VGLL3: variants seen among roughly 807,000 people sequenced by gnomAD.
VGLL3 encodes transcription cofactor vestigial-like protein 3.
VGLL3 carries 18 observed loss-of-function variants against 29.2 expected under a neutral mutation model. The ratio of observed to expected loss-of-function variants is 0.62; its 90% CI spans 0.43 to 0.91. The LOEUF is 0.91. Among genes scored for constraint, VGLL3 ranks in the 40% least tolerant of loss-of-function variants. The pLI, the probability that VGLL3 is intolerant of heterozygous loss-of-function variation, is 0.00. For missense variants in VGLL3, 440 were observed against 413.2 expected (o/e 1.06, Z -0.56); for synonymous variants, 180 against 151.8 (o/e 1.19, Z -1.36).
intron 2 of VGLL3, among the ~76,000 whole-genome samples, chr3:86,969,417 T>C (rs1705042702): frequency 6.6e-6 from 1 of 152,216 alleles, no homozygotes. Context: ...TTGAAAAATT[T>C]CATTTCCTTC....
chr3:86,949,304 G>T (rs575067020), intron 3 of VGLL3, among the ~76,000 whole-genome samples: 3 of 152,126 alleles, frequency 2.0e-5, no homozygotes, highest in Non-Finnish European at 2.9e-5. Flanking sequence ...TTGTTTCCAT[G>T]TCTCTGCATT....
chr3:86,959,373 T>G (rs1014005005), intron 3 of VGLL3, among the ~76,000 whole-genome samples: 1 of 152,194 alleles, frequency 6.6e-6, no homozygotes, highest in Non-Finnish European at 1.5e-5. Flanking sequence ...AAGGCTTCAA[T>G]GAATCCCTAA....
chr3:86,958,633 G>A (rs1704775637), intron 3 of VGLL3, among the ~76,000 whole-genome samples: 1 of 152,138 alleles, frequency 6.6e-6, no homozygotes, highest in African/African-American at 2.4e-5. Flanking sequence ...TTTCATTAAG[G>A]TCCTGCAGCA....
chr3:86,968,318 A>G (rs34400464), intron 3 of VGLL3, among the ~76,000 whole-genome samples: 5,212 of 152,290 alleles, frequency 0.034, 138 homozygotes, highest in African/African-American at 0.069. Context: ...TTCTTTTTAA[A>G]CAGAAGGTAC....
intron 3 of VGLL3, among the ~76,000 whole-genome samples, chr3:86,952,278 A>C (rs533473973): frequency 6.6e-6 from 1 of 152,296 alleles, no homozygotes; most frequent in East Asian, 1.9e-4. Flanking sequence ...AGAAATAATA[A>C]ATAAACATTG....
Position 86,946,285 on chromosome 3 carries a change from A to G in VGLL3, c.*739T>C, listed in dbSNP as rs1056087726. On this transcript the variant is annotated 3_prime_UTR_variant, in exon 4 of 4. Coordinates refer to ENST00000398399, the MANE Select transcript of VGLL3 (RefSeq NM_016206.4). ...TATCATTTCTTTAGCACAGTCATTA[A>G]AAAAAAACTTTTCAAGCTATACATA... The G allele has an allele frequency of 5.4e-5, 8 of 148,868 alleles. No individual in the cohort carries two copies. Among genetic ancestry groups the G allele is most frequent in the African/African-American group, 2.1e-4 (8 of 38,428 alleles). 9.2% of individuals were successfully genotyped at this position (148,868 alleles called of 1,614,324 possible).
At chr3:86,979,442 G>T (rs998540642) in intron 1 of VGLL3, among the ~76,000 whole-genome samples, 1 of 151,898 alleles carries the variant, frequency 6.6e-6, no homozygotes, top group Non-Finnish European at 1.5e-5. Flanking sequence ...TTATCATGAG[G>T]GGAAAAGATT....
intron 2 of VGLL3, among the ~76,000 whole-genome samples, chr3:86,973,444 G>T (rs900654573): frequency 9.9e-5 from 15 of 152,186 alleles, no homozygotes; most frequent in African/African-American, 2.2e-4. Flanking sequence ...TAAATGGCTG[G>T]GTCAGAAGTG....
At chr3:86,977,976 A>C (rs1705244247) in intron 2 of VGLL3, among the ~76,000 whole-genome samples, 1 of 152,224 alleles carries the variant, frequency 6.6e-6, no homozygotes, top group African/African-American at 2.4e-5. Context: ...TTCTTTATCA[A>C]GGTAAAAACA....
At chr3:86,953,705 C>T (rs1434714951) in intron 3 of VGLL3, among the ~76,000 whole-genome samples, 2 of 151,920 alleles carry the variant, frequency 1.3e-5, no homozygotes, top group South Asian at 2.1e-4. Context: ...GCATTTATTC[C>T]TCTGTGTTTT....
chr3:86,983,433 C>A (rs1486474008), intron 1 of VGLL3, among the ~76,000 whole-genome samples: 2 of 152,136 alleles, frequency 1.3e-5, no homozygotes, highest in African/African-American at 4.8e-5. Flanking sequence ...CACTCATTGC[C>A]CAGGCTGGAG....
intron 1 of VGLL3, among the ~76,000 whole-genome samples, chr3:86,989,483 G>A (rs1705533330): frequency 6.6e-6 from 1 of 152,168 alleles, no homozygotes; most frequent in South Asian, 2.1e-4. Flanking sequence ...TCTTTCTAAA[G>A]AGTAGCACTG....
intron 1 of VGLL3, among the ~76,000 whole-genome samples, chr3:86,988,892 T>C (rs902734334): frequency 9.9e-5 from 15 of 151,984 alleles, no homozygotes; most frequent in African/African-American, 2.4e-4. Context: ...ATTTTTATTT[T>C]ATTTTATTTT....
chr3:86,969,115 C>T lies in VGLL3; in HGVS notation c.412G>A (p.Ala138Thr), dbSNP rs916127163. The change falls in exon 3 of 4, where the codon GCT (alanine) becomes ACT (threonine). Residue 138 changes from alanine to threonine, a missense_variant. Transcript: ENST00000398399. Reference sequence around the variant, plus strand: ...AAACTATTCCGCTGGCTTGAGAGAGCTGAGCTGTCTGAGAAGACAGAAAAT... The same window carrying T: ...AAACTATTCCGCTGGCTTGAGAGAGTTGAGCTGTCTGAGAAGACAGAAAAT... ...GLTPLWRDSS[A>T]LSSQRNSFPT... The T allele has an allele frequency of 6.3e-7, 1 of 1,584,660 alleles. No individual in the cohort carries two copies. The highest frequency in any genetic ancestry group is 8.6e-7 in the Non-Finnish European group (1 of 1,164,358).
In VGLL3 at chr3:86,947,951, GT is replaced by G. The variant is rs562168886; in HGVS notation, c.938-885del. Among the ~76,000 whole-genome samples, 41 of 146,750 alleles carry G rather than the reference GT, an allele frequency of 2.8e-4. 1 individual carries two copies. Among genetic ancestry groups the G allele is most frequent in the South Asian group, 1.1e-3 (5 of 4,586 alleles). ...ACGTACTCGAAGTTACTTTTATTTT[GT>G]TTTTTTTTTCTTTCCAGCTTCATTG... On this transcript the variant is annotated intron_variant, in intron 3 of 3. Transcript: ENST00000398399.
chr3:86,988,995 T>C (rs1705521305), intron 1 of VGLL3, among the ~76,000 whole-genome samples: 1 of 152,190 alleles, frequency 6.6e-6, no homozygotes, highest in Non-Finnish European at 1.5e-5. Flanking sequence ...GCAAACATTA[T>C]ATAAAGTACT....
At chr3:86,984,861 T>C (rs943539689) in intron 1 of VGLL3, among the ~76,000 whole-genome samples, 5 of 152,314 alleles carry the variant, frequency 3.3e-5, no homozygotes, top group Non-Finnish European at 7.4e-5. Context: ...ATATGGCTGA[T>C]GGCATTATAA....
intron 1 of VGLL3, among the ~76,000 whole-genome samples, chr3:86,988,181 T>G (rs2107078809): frequency 6.6e-6 from 1 of 152,320 alleles, no homozygotes; most frequent in Non-Finnish European, 1.5e-5. Context: ...CTAGCATTTT[T>G]TAAATGGCTA....
chr3:86,977,957 T>A (rs1289169349), intron 2 of VGLL3, among the ~76,000 whole-genome samples: 1 of 152,254 alleles, frequency 6.6e-6, no homozygotes, highest in African/African-American at 2.4e-5. Flanking sequence ...GAGTCCAATG[T>A]GCTGCTCTTT....
Sources: gnomAD v4.1 joint callset for allele counts (sites outside exome capture counted in the v4.1 genomes callset) on GRCh38, gnomAD v4.1.1 for gene constraint, MANE v1.5 for transcripts, NCBI Gene and HGNC (gene_info 2026-07-23, HGNC 2026-07-21) for gene names.